Variants in MYO3A observed in about 807,000 individuals in gnomAD.
The protein encoded by MYO3A is myosin-IIIa.
MYO3A carries 180 observed loss-of-function variants against 192.7 expected under a neutral mutation model. The ratio of observed to expected loss-of-function variants is 0.93; its 90% confidence interval spans 0.83 to 1.06. MYO3A has a LOEUF of 1.06. Among genes scored for constraint, MYO3A ranks in the 50% least tolerant of loss-of-function variants. The probability of loss-of-function intolerance (pLI) is 0.00; values close to 1 mark genes in which losing one functional copy is unlikely to be tolerated. For missense variants in MYO3A, 1,896 were observed against 1,905.0 expected (o/e 1.00, Z 0.09); for synonymous variants, 628 against 645.3 (o/e 0.97, Z 0.41).
intron 4 of MYO3A, among the ~76,000 whole-genome samples, chr10:25,975,804 C>T (rs1421228929): frequency 1.3e-5 from 2 of 152,130 alleles, no homozygotes; most frequent in African/African-American, 4.8e-5. Flanking sequence ...AAATTCTCTG[C>T]ACCACAATTG....
intron 17 of MYO3A, among the ~76,000 whole-genome samples, chr10:26,119,962 C>T (rs1564568148): frequency 6.6e-6 from 1 of 151,016 alleles, no homozygotes; most frequent in African/African-American, 2.4e-5. Context: ...TCGAGACCAG[C>T]CTGGGCAACA....
At chr10:26,120,633 CT>C (rs1449380979) in intron 17 of MYO3A, 42 bp from the exon 18 acceptor site, 2 of 1,612,648 alleles carry the variant, frequency 1.2e-6, no homozygotes, top group African/African-American at 2.7e-5. Flanking sequence ...GTTGGCTGTA[CT>C]CAAGGAAAGA....
intron 4 of MYO3A, among the ~76,000 whole-genome samples, chr10:25,957,081 A>C (rs564628638): frequency 6.6e-6 from 1 of 152,096 alleles, no homozygotes; most frequent in Admixed American, 6.6e-5. Context: ...TTATGGCTGC[A>C]TAGTATTTCA....
chr10:26,193,184 T>TA, intron 31 of MYO3A, 21 bp from the exon 32 acceptor site: 1 of 1,536,224 alleles, frequency 6.5e-7, no homozygotes, highest in Non-Finnish European at 9.0e-7. Flanking sequence ...AAATACTTGT[T>TA]TATGATCACC....
rs1836714463 is a variant in MYO3A at position 26,091,749 on chromosome 10, G to T, written c.1562+3344G>T. On this transcript the variant is annotated intron_variant, in intron 15 of 34. Coordinates refer to ENST00000642920, the MANE Select transcript of MYO3A (RefSeq NM_017433.5). ...CTCTTTTAAAAGTGAGAAACTAAGA[G>T]AATTTTAATAAGTTGCTTAATGTCA... Among the ~76,000 whole-genome samples, 4 of 152,210 alleles carry T rather than the reference G, an allele frequency of 2.6e-5. 1 individual carries two copies. The South Asian group carries it at 8.3e-4, about 32-fold the overall frequency.
At chr10:26,081,067 G>C (rs1028028386) in intron 14 of MYO3A, among the ~76,000 whole-genome samples, 5 of 151,030 alleles carry the variant, frequency 3.3e-5, no homozygotes, top group African/African-American at 1.2e-4. Context: ...GAAAGTATCA[G>C]CTGTGGTAGT....
chr10:26,096,123 G>A (rs180892348), intron 15 of MYO3A, among the ~76,000 whole-genome samples: 2 of 152,276 alleles, frequency 1.3e-5, no homozygotes, highest in Admixed American at 6.5e-5. Context: ...TATCCCCAGC[G>A]CCTGGAACAG....
chr10:26,052,976 T>C (rs911748826), intron 10 of MYO3A, among the ~76,000 whole-genome samples: 2 of 152,120 alleles, frequency 1.3e-5, no homozygotes, highest in Non-Finnish European at 2.9e-5. Context: ...ATGAAAAATA[T>C]AATATGGTTA....
intron 20 of MYO3A, among the ~76,000 whole-genome samples, chr10:26,131,919 G>A (rs1468353500): frequency 1.3e-5 from 2 of 152,134 alleles, no homozygotes; most frequent in Non-Finnish European, 1.5e-5. Flanking sequence ...CCTTCTAAAT[G>A]AGTTGCAGCC....
At chr10:25,957,840 TC>T (rs1477064639) in intron 4 of MYO3A, among the ~76,000 whole-genome samples, 1 of 152,218 alleles carries the variant, frequency 6.6e-6, no homozygotes, top group Non-Finnish European at 1.5e-5. Context: ...TCTCTAATGA[TC>T]AGTGATGTTG....
intron 17 of MYO3A, among the ~76,000 whole-genome samples, chr10:26,108,965 T>C (rs1255798979): frequency 6.6e-6 from 1 of 152,178 alleles, no homozygotes; most frequent in South Asian, 2.1e-4. Flanking sequence ...ATCAAGATCT[T>C]AGAAATCTTC....
At chr10:26,093,408 G>T (rs1836822297) in intron 15 of MYO3A, among the ~76,000 whole-genome samples, 1 of 151,736 alleles carries the variant, frequency 6.6e-6, no homozygotes, top group South Asian at 2.1e-4. Context: ...TTTCAGTTTT[G>T]TTCTAACTTC....
At chr10:26,151,854 G>A (rs555883520) in intron 23 of MYO3A, among the ~76,000 whole-genome samples, 10 of 152,212 alleles carry the variant, frequency 6.6e-5, no homozygotes, top group Admixed American at 5.9e-4. Context: ...CCTCTCTTAG[G>A]GATCAATGTC....
At chr10:26,179,895 A>G (rs1842538852) in intron 31 of MYO3A, among the ~76,000 whole-genome samples, 1 of 152,188 alleles carries the variant, frequency 6.6e-6, no homozygotes, top group African/African-American at 2.4e-5. Context: ...GTGCAGTGGC[A>G]CGACCTCGGC....
chr10:26,072,285 A>G (rs1835253400), intron 14 of MYO3A, among the ~76,000 whole-genome samples: 1 of 152,094 alleles, frequency 6.6e-6, no homozygotes, highest in African/African-American at 2.4e-5. Flanking sequence ...GCCAAACCAT[A>G]TCAATATGTG....
intron 30 of MYO3A, among the ~76,000 whole-genome samples, chr10:26,176,189 GA>G (rs1387833231): frequency 6.6e-6 from 1 of 152,052 alleles, no homozygotes; most frequent in Admixed American, 6.5e-5. Context: ...AGCTACTCTG[GA>G]GGCTGAGGCA....
intron 34 of MYO3A, among the ~76,000 whole-genome samples, chr10:26,205,608 C>CTTTTCT (rs1843886940): frequency 1.5e-5 from 1 of 68,618 alleles, no homozygotes; most frequent in African/African-American, 6.4e-5. Context: ...CTTTTCTTTT[C>CTTTTCT]TTTTTTTTTT....
intron 26 of MYO3A, among the ~76,000 whole-genome samples, chr10:26,158,551 A>G (rs1841293515): frequency 6.6e-6 from 1 of 152,140 alleles, no homozygotes; most frequent in Non-Finnish European, 1.5e-5. Flanking sequence ...CACTGCGCCC[A>G]GCCAAGGAGT....
intron 14 of MYO3A, among the ~76,000 whole-genome samples, chr10:26,081,149 C>A (rs1038251247): frequency 1.9e-5 from 2 of 106,722 alleles, no homozygotes. Flanking sequence ...CCCCCCCGCC[C>A]CCGCTACCAG....
Sources: gnomAD v4.1 joint callset for allele counts (sites outside exome capture counted in the v4.1 genomes callset) on GRCh38, gnomAD v4.1.1 for gene constraint, MANE v1.5 for transcripts, NCBI Gene and HGNC (gene_info 2026-07-23, HGNC 2026-07-21) for gene names.